EXOC2: variants seen among roughly 807,000 people sequenced by gnomAD.
EXOC2 encodes the protein SEC5-like 1.
In EXOC2, 70 loss-of-function variants were observed where a neutral mutation model predicts 131.8. The observed-to-expected ratio is 0.53, with a 90% CI of 0.44 to 0.65. The LOEUF (loss-of-function observed/expected upper bound fraction) is 0.65. Ranked by LOEUF, EXOC2 falls within the 30% of genes least tolerant of loss-of-function variation. The pLI, the probability that EXOC2 is intolerant of heterozygous loss-of-function variation, is 0.00. For synonymous variants in EXOC2, 411 were observed against 398.4 expected (o/e 1.03, Z -0.38); for missense variants, 923 against 1,108.6 (o/e 0.83, Z 2.38).
At position 667,528 on chromosome 6, in the gene EXOC2, C is replaced by G. The variant is rs1763672057; in HGVS notation, c.-44+25491G>C. On this transcript the variant is annotated intron_variant, in intron 1 of 27. Transcript: ENST00000230449. ...ATTGTGAGCAGGCACCACAAAGCCG[C>G]TGAGGGTCTTGATCAAAGAAAAAGG... Among the ~76,000 whole-genome samples the G allele has an allele frequency of 2.1e-5, 2 of 97,206 alleles. 1 individual carries two copies. Among genetic ancestry groups the G allele is most frequent in the South Asian group, 6.6e-4 (2 of 3,028 alleles). 63.8% of individuals were successfully genotyped at this position (97,206 alleles called of 152,430 possible).
At chr6:530,786 T>C (rs942428315) in intron 23 of EXOC2, among the ~76,000 whole-genome samples, 3 of 152,206 alleles carry the variant, frequency 2.0e-5, no homozygotes, top group Non-Finnish European at 4.4e-5. Flanking sequence ...TCTGCATCTG[T>C]GGATTCAACC....
At chr6:553,670 G>C (rs1376271209) in intron 21 of EXOC2, among the ~76,000 whole-genome samples, 184 bp downstream of exon 21, 1 of 152,140 alleles carries the variant, frequency 6.6e-6, no homozygotes, top group Non-Finnish European at 1.5e-5. Flanking sequence ...AGCTAAAAGT[G>C]TTAATTGTGA....
chr6:662,619 C>A (rs1372484316), intron 1 of EXOC2, among the ~76,000 whole-genome samples: 1 of 152,106 alleles, frequency 6.6e-6, no homozygotes, highest in African/African-American at 2.4e-5. Flanking sequence ...ACAATAATGA[C>A]ACAACCTATC....
chr6:565,116 A>G (rs984935430), intron 13 of EXOC2, among the ~76,000 whole-genome samples, 187 bp from the exon 14 acceptor site: 1 of 152,194 alleles, frequency 6.6e-6, no homozygotes, highest in African/African-American at 2.4e-5. Flanking sequence ...CCCAATGAGA[A>G]GTTATTTATC....
intron 1 of EXOC2, among the ~76,000 whole-genome samples, chr6:666,371 T>G (rs1214320110): frequency 9.9e-6 from 1 of 100,976 alleles, no homozygotes; most frequent in Non-Finnish European, 2.4e-5. Context: ...GATGCAAAAT[T>G]GAGCAAATGA....
chr6:632,621 T>G (rs1761910752), intron 3 of EXOC2, among the ~76,000 whole-genome samples: 1 of 152,102 alleles, frequency 6.6e-6, no homozygotes, highest in Non-Finnish European at 1.5e-5. Flanking sequence ...TGTTTAAGAG[T>G]TTAAAGCAAT....
At chr6:497,255 T>C in intron 25 of EXOC2, 112 bp downstream of exon 25, 1 of 904,918 alleles carries the variant, frequency 1.1e-6, no homozygotes, top group Non-Finnish European at 1.7e-6. Context: ...ACTTCTTCAA[T>C]CAGTAGATCC....
chr6:510,549 TAA>T (rs1764783382), intron 23 of EXOC2, among the ~76,000 whole-genome samples: 1 of 152,224 alleles, frequency 6.6e-6, no homozygotes, highest in African/African-American at 2.4e-5. Context: ...TTTATATTCA[TAA>T]GAGTTTAGAT....
At chr6:507,619 C>T (rs903143047) in intron 23 of EXOC2, among the ~76,000 whole-genome samples, 1 of 152,102 alleles carries the variant, frequency 6.6e-6, no homozygotes, top group African/African-American at 2.4e-5. Flanking sequence ...TGTGGGTGCT[C>T]GTGTTCCTTT....
chr6:529,461 C>T (rs1035324877), intron 23 of EXOC2, among the ~76,000 whole-genome samples: 4 of 152,154 alleles, frequency 2.6e-5, no homozygotes, highest in Non-Finnish European at 4.4e-5. Context: ...CGGTAACAAT[C>T]GGAGATTTCA....
intron 1 of EXOC2, among the ~76,000 whole-genome samples, chr6:678,973 G>A (rs1302865951): frequency 6.6e-6 from 1 of 151,992 alleles, no homozygotes; most frequent in Non-Finnish European, 1.5e-5. Context: ...TCCTGGTGAT[G>A]TAAAAAGTCA....
At chr6:512,498 T>C (rs959639672) in intron 23 of EXOC2, among the ~76,000 whole-genome samples, 2 of 152,228 alleles carry the variant, frequency 1.3e-5, no homozygotes, top group South Asian at 2.1e-4. Flanking sequence ...GTAAAATATG[T>C]AACAGACTGT....
intron 2 of EXOC2, among the ~76,000 whole-genome samples, chr6:636,043 C>T (rs61124881): frequency 1.2e-3 from 183 of 152,320 alleles, no homozygotes; most frequent in African/African-American, 4.2e-3. Flanking sequence ...AGCCTGGCAA[C>T]AGAGCGAGAC....
chr6:567,073 A>G (rs1209381017), intron 13 of EXOC2, among the ~76,000 whole-genome samples: 1 of 152,082 alleles, frequency 6.6e-6, no homozygotes, highest in East Asian at 1.9e-4. Context: ...TGCCTGGAGG[A>G]CCTCCATGGT....
intron 4 of EXOC2, among the ~76,000 whole-genome samples, chr6:624,050 T>A (rs939089083): frequency 2.0e-5 from 3 of 152,258 alleles, no homozygotes; most frequent in Admixed American, 1.3e-4. Flanking sequence ...TAAATCAATC[T>A]TAATTGCAGG....
intron 21 of EXOC2, among the ~76,000 whole-genome samples, chr6:551,144 C>T (rs1003088709): frequency 3.3e-5 from 5 of 152,332 alleles, no homozygotes; most frequent in African/African-American, 9.6e-5. Context: ...TTGAAAACAA[C>T]GCCGCCCATC....
intron 20 of EXOC2, 55 bp downstream of exon 20, chr6:555,172 C>G: frequency 9.6e-7 from 1 of 1,042,342 alleles, no homozygotes; most frequent in Non-Finnish European, 1.3e-6. Context: ...AAACTTGAGC[C>G]TGTATTTTTA....
chr6:638,714 C>T (rs949230716), intron 1 of EXOC2, among the ~76,000 whole-genome samples: 10 of 152,146 alleles, frequency 6.6e-5, no homozygotes, highest in East Asian at 1.9e-4. Context: ...GGGCGGATCA[C>T]GAGTCAGGAG....
intron 1 of EXOC2, among the ~76,000 whole-genome samples, chr6:672,798 T>A (rs12333170): frequency 6.6e-6 from 1 of 152,086 alleles, no homozygotes; most frequent in African/African-American, 2.4e-5. Context: ...GAGTGGTGAC[T>A]TCCAAGCTCC....
Sources: gnomAD v4.1 joint callset for allele counts (sites outside exome capture counted in the v4.1 genomes callset) on GRCh38, gnomAD v4.1.1 for gene constraint, MANE v1.5 for transcripts, NCBI Gene and HGNC (gene_info 2026-07-23, HGNC 2026-07-21) for gene names.